Variants in TECPR2 observed in about 807,000 individuals in gnomAD.
The protein encoded by TECPR2 is tectonin beta-propeller repeat containing 2.
In TECPR2, 65 loss-of-function variants were observed where a neutral mutation model predicts 138.1. The ratio of observed to expected loss-of-function variants is 0.47; its 90% CI spans 0.39 to 0.58. The LOEUF (loss-of-function observed/expected upper bound fraction) is 0.58, where lower values mean the gene tolerates loss of function less well. TECPR2 is among the 20% of genes least tolerant of loss of function. The probability of loss-of-function intolerance (pLI) is 0.00; values close to 1 mark genes in which losing one functional copy is unlikely to be tolerated. For missense variants in TECPR2, 1,553 were observed against 1,824.5 expected, an observed-to-expected ratio of 0.85 and a Z score of 2.71; for synonymous variants, 746 against 749.8, an observed-to-expected ratio of 0.99 and a Z score of 0.08.
At chr14:102,426,074 AC>A (rs1889313398) in intron 6 of TECPR2, among the ~76,000 whole-genome samples, 1 of 151,272 alleles carries the variant, frequency 6.6e-6, no homozygotes, top group Admixed American at 6.6e-5. Flanking sequence ...TTTAGTAGAG[AC>A]AGGGTTTCAC....
intron 17 of TECPR2, among the ~76,000 whole-genome samples, chr14:102,487,535 T>TTTTTC (rs756079524): frequency 1.3e-5 from 2 of 152,198 alleles, no homozygotes; most frequent in South Asian, 2.1e-4. Context: ...TTGTGTTTTC[T>TTTTTC]TTTTCTTTTC....
intron 17 of TECPR2, among the ~76,000 whole-genome samples, chr14:102,479,863 G>A (rs12372862): frequency 0.086 from 13,167 of 152,286 alleles, 739 homozygotes; most frequent in African/African-American, 0.17. Flanking sequence ...CCTTGGAGAG[G>A]CATTGGGCAG....
chr14:102,420,034 A>G lies in TECPR2; in HGVS notation c.639-4945A>G, dbSNP rs1367631323. On this transcript the variant is annotated intron_variant, in intron 5 of 19. Transcript: ENST00000359520. The surrounding 1 kb of genome is among the most constrained non-coding windows in gnomAD (Gnocchi z 4.1). ...AGGGCTTCTGTGGATCCTTCTTCTC[A>G]CTCAGCTTAGACTTTCAGGCTCCCA... Among the ~76,000 whole-genome samples, 1 of 152,088 alleles carries G rather than the reference A, an allele frequency of 6.6e-6. No homozygotes were observed. Among genetic ancestry groups the G allele is most frequent in the Non-Finnish European group, 1.5e-5 (1 of 68,004 alleles).
intron 2 of TECPR2, among the ~76,000 whole-genome samples, chr14:102,394,972 C>T (rs1419417542): frequency 2.0e-5 from 3 of 152,190 alleles, no homozygotes; most frequent in Non-Finnish European, 4.4e-5. Flanking sequence ...CTGTCCTGCT[C>T]CTAATCGTGT....
intron 15 of TECPR2, among the ~76,000 whole-genome samples, chr14:102,450,997 G>A (rs1047850261): frequency 9.9e-5 from 15 of 152,190 alleles, no homozygotes; most frequent in Non-Finnish European, 2.1e-4. Context: ...ATCTCCCCTC[G>A]AGAATCCTTC....
At chr14:102,458,645 C>T (rs559259375) in intron 16 of TECPR2, among the ~76,000 whole-genome samples, 46 of 152,196 alleles carry the variant, frequency 3.0e-4, no homozygotes, top group African/African-American at 1.1e-3. Flanking sequence ...CTGCCCTTCC[C>T]TAATGTGTGG....
chr14:102,468,690 AGGTCACAAAGATTT>A (rs1267071134), intron 17 of TECPR2, among the ~76,000 whole-genome samples: 1 of 152,222 alleles, frequency 6.6e-6, no homozygotes, highest in Non-Finnish European at 1.5e-5. Context: ...GCCTAATCCA[AGGTCACAAAGATTT>A]ACCTCTATGT....
At chr14:102,459,665 G>A (rs1276494179) in intron 16 of TECPR2, among the ~76,000 whole-genome samples, 3 of 152,224 alleles carry the variant, frequency 2.0e-5, no homozygotes, top group South Asian at 2.1e-4. Flanking sequence ...TTACTCTGGA[G>A]GCTGAGGCAA....
chr14:102,465,133 A>G lies in TECPR2; in HGVS notation c.3641-8A>G, dbSNP rs775147521. 2.5e-6 allele frequency: 4 copies of G among 1,614,110 alleles called. No individual in the cohort carries two copies. Among genetic ancestry groups the G allele is most frequent in the Non-Finnish European group, 2.5e-6 (3 of 1,180,000 alleles). ...AATTATAGTGTGTGTACTTTTCTTT[A>G]TCTACAGGAGCTGTAAAATTGACAA... On this transcript the variant is annotated splice_polypyrimidine_tract_variant and splice_region_variant and intron_variant, in intron 16 of 19. Coordinates refer to ENST00000359520, the MANE Select transcript of TECPR2 (RefSeq NM_014844.5).
chr14:102,412,240 C>T (rs35840531), intron 4 of TECPR2, among the ~76,000 whole-genome samples: 12,991 of 151,236 alleles, frequency 0.086, 732 homozygotes, highest in African/African-American at 0.17. Context: ...CAGGTGATTC[C>T]CCCACCTTGG....
chr14:102,417,201 T>C (rs1256581652), intron 5 of TECPR2, among the ~76,000 whole-genome samples: 1 of 152,188 alleles, frequency 6.6e-6, no homozygotes. Context: ...TTACTGAGCC[T>C]TGGGGAAATG....
intron 16 of TECPR2, among the ~76,000 whole-genome samples, chr14:102,456,915 A>G (rs1595136113): frequency 6.6e-6 from 1 of 151,596 alleles, no homozygotes; most frequent in South Asian, 2.1e-4. Context: ...GTTGAGACTC[A>G]ATCTCACTGA....
At chr14:102,384,660 G>A (rs1347222308) in intron 2 of TECPR2, among the ~76,000 whole-genome samples, 2 of 143,032 alleles carry the variant, frequency 1.4e-5, no homozygotes, top group Admixed American at 1.4e-4. Flanking sequence ...CTGGGTGATG[G>A]AGCAAGACAC....
At chr14:102,371,026 C>A (rs1042183954) in intron 1 of TECPR2, among the ~76,000 whole-genome samples, 1 of 152,222 alleles carries the variant, frequency 6.6e-6, no homozygotes, top group African/African-American at 2.4e-5. Context: ...TTTTACTAAT[C>A]CCATTTCAGA....
chr14:102,493,669 G>A lies in TECPR2; in HGVS notation c.3790-3310G>A, dbSNP rs189436687. ...TGAGTGCGCTCCAGGTGGTCCCTGG[G>A]GACTCGGTCCTGGCACCCCTGCCCT... is the stretch of plus-strand genomic sequence containing the variant. On this transcript the variant is annotated intron_variant, in intron 17 of 19. Transcript: ENST00000359520. Among the ~76,000 whole-genome samples the A allele has an allele frequency of 2.6e-5, 4 of 152,318 alleles. No individual in the cohort carries two copies. In the East Asian group the frequency reaches 7.7e-4, roughly 29 times the overall value.
At chr14:102,428,458 A>G in intron 7 of TECPR2, 76 bp downstream of exon 7, 2 of 1,583,184 alleles carry the variant, frequency 1.3e-6, no homozygotes, top group Non-Finnish European at 8.6e-7. Context: ...TGCAGTTAAT[A>G]ATTGATCAAA....
intron 1 of TECPR2, among the ~76,000 whole-genome samples, chr14:102,376,087 A>G (rs759038343): frequency 5.9e-5 from 9 of 152,192 alleles, no homozygotes; most frequent in East Asian, 1.9e-4. Context: ...TGGGCATCCA[A>G]CCAGGCCAGG....
chr14:102,498,008 CAA>C, intron 19 of TECPR2, 93 bp from the exon 20 acceptor site: 1 of 1,520,468 alleles, frequency 6.6e-7, no homozygotes, highest in South Asian at 1.3e-5. Flanking sequence ...TAGAATGTGG[CAA>C]GCCCAGACCT....
intron 15 of TECPR2, among the ~76,000 whole-genome samples, chr14:102,451,555 C>G (rs1412688098): frequency 6.6e-6 from 1 of 152,126 alleles, no homozygotes; most frequent in African/African-American, 2.4e-5. Context: ...CTTGGTTGAT[C>G]TGTTGGCTGT....
Sources: allele counts gnomAD v4.1 joint callset (sites outside exome capture counted in the v4.1 genomes callset), GRCh38; gene constraint gnomAD v4.1.1; non-coding constraint Gnocchi (gnomAD v3.1); transcripts MANE v1.5; gene names NCBI Gene and HGNC (gene_info 2026-07-23, HGNC 2026-07-21).